Variants in PFKM observed in about 807,000 individuals in gnomAD.
The protein encoded by PFKM is phosphofructokinase, muscle.
In PFKM, 58 loss-of-function variants were observed where a neutral mutation model predicts 95.5. The ratio of observed to expected loss-of-function variants is 0.61; its 90% CI spans 0.49 to 0.76. The LOEUF is 0.76. PFKM is among the 30% of genes least tolerant of loss of function. The pLI, the probability that PFKM is intolerant of heterozygous loss-of-function variation, is 0.00. For missense variants in PFKM, 678 were observed against 1,005.4 expected (o/e 0.67, Z 4.40); for synonymous variants, 336 against 357.2 (o/e 0.94, Z 0.67).
chr12:48,137,456 C>G (rs745976478), intron 10 of PFKM: 11 of 532,436 alleles, frequency 2.1e-5, no homozygotes, highest in Admixed American at 6.3e-5. Flanking sequence ...TATTAAGCCC[C>G]AGTAATCCTG....
chr12:48,118,073 T>C (rs1157701120), upstream of PFKM, among the ~76,000 whole-genome samples: 2 of 152,358 alleles, frequency 1.3e-5, no homozygotes, highest in South Asian at 2.1e-4. Context: ...TTTCAGAGAA[T>C]AGATTGTAAA....
chr12:48,115,419 G>A (rs1431593165), upstream of PFKM, among the ~76,000 whole-genome samples: 4 of 152,182 alleles, frequency 2.6e-5, no homozygotes, highest in Admixed American at 2.6e-4. Flanking sequence ...TAAGAGCAAT[G>A]TTTTGAGGGA....
chr12:48,142,443 A>T (rs1950655029), intron 17 of PFKM: 1 of 433,752 alleles, frequency 2.3e-6, no homozygotes, highest in Non-Finnish European at 4.3e-6. Context: ...ACTTTACTCC[A>T]GCCTGGGTGA....
chr12:48,131,194 A>G, intron 3 of PFKM, 122 bp from the exon 4 acceptor site: 1 of 754,398 alleles, frequency 1.3e-6, no homozygotes, highest in Non-Finnish European at 2.4e-6. Flanking sequence ...ACGAGCATCC[A>G]GGACTCACTA....
intron 4 of PFKM, among the ~76,000 whole-genome samples, chr12:48,132,645 T>G (rs979908513): frequency 5.3e-5 from 8 of 152,228 alleles, no homozygotes; most frequent in African/African-American, 1.7e-4. Context: ...AAAGGAGTTC[T>G]TAGCAGTCTT....
Position 48,134,730 on chromosome 12 carries a change from C to T in PFKM, c.648C>T (p.Ala216=). The T allele has an allele frequency of 1.2e-6, 2 of 1,612,270 alleles. No homozygotes were observed. Among genetic ancestry groups the T allele is most frequent in the Non-Finnish European group, 1.7e-6 (2 of 1,178,298 alleles). ...CTGACTCTCATCTCAGATACCTGGC[C>T]CTTGTCACCTCTCTGTCCTGTGGGG... ...EVMGRHCGYL[A]LVTSLSCGAD... is the part of the protein sequence containing the mutation. Residue 216 remains alanine (A), a synonymous_variant, in exon 8 of 23, where the codon GCC becomes GCT. Transcript: ENST00000359794.
At chr12:48,127,302 C>T (rs1592691710) in intron 2 of PFKM, among the ~76,000 whole-genome samples, 1 of 152,160 alleles carries the variant, frequency 6.6e-6, no homozygotes, top group East Asian at 1.9e-4. Context: ...TTGCCCCTTT[C>T]CCTTATAATT....
At chr12:48,135,945 A>G (rs1032160495) in intron 10 of PFKM, among the ~76,000 whole-genome samples, 1 of 151,556 alleles carries the variant, frequency 6.6e-6, no homozygotes, top group Non-Finnish European at 1.5e-5. Flanking sequence ...CTGGAGTGCA[A>G]TGGTGCGACC....
chr12:48,105,781 GGAGA>G (rs369237878), upstream of PFKM: 11 of 578,156 alleles, frequency 1.9e-5, no homozygotes, highest in Admixed American at 1.5e-4. Context: ...CCGCGGCCCA[GGAGA>G]GAGAGACCAG....
rs566495311 is a variant in PFKM at position 48,106,518 on chromosome 12, T to C, written c.-10+381T>C. ...ATCGATCTCAGGCTATCTCGTGTTT[T>C]ATTGAGAATCACAGAACGTTAGTGC... On this transcript the variant is annotated intron_variant, in intron 1 of 24. Transcript: ENST00000340802. 2.5e-4 allele frequency: 62 copies of C among 246,658 alleles called. No homozygotes were observed. In the Admixed American group the frequency reaches 3.2e-3, roughly 13 times the overall value. 15.3% of individuals were successfully genotyped at this position (246,658 alleles called of 1,614,324 possible).
At chr12:48,105,962 G>C (rs763348975) in exon 1 of PFKM, 7 of 697,090 alleles carry the variant, frequency 1.0e-5, no homozygotes, top group Non-Finnish European at 1.8e-5. Flanking sequence ...GACCGGGTCC[G>C]ACACAGTCTC....
Position 48,145,014 on chromosome 12 carries a change from T to C in PFKM, c.1993-17T>C. The C allele has an allele frequency of 6.4e-7, 1 of 1,567,014 alleles. No individual in the cohort carries two copies. The highest frequency in any genetic ancestry group is 1.1e-5 in the South Asian group (1 of 90,108). On this transcript the variant is annotated splice_polypyrimidine_tract_variant and intron_variant, in intron 20 of 22. Coordinates refer to ENST00000359794, the MANE Select transcript of PFKM (RefSeq NM_000289.6). This position sits in a 1 kb window ranked among gnomAD's most constrained non-coding sequence, Gnocchi z 4.3. ...TTAGAGTCCTTCCCTCTGTAATTTT[T>C]ATGTTTCTTTCTCCAGGGTGGGAGC...
rs1158052155 is a variant in PFKM at position 48,120,203 on chromosome 12, A to G, written c.-9+797A>G. 3.9e-5 allele frequency among the ~76,000 whole-genome samples: 6 copies of G among 152,170 alleles called. No homozygotes were observed. The South Asian group carries it at 1.0e-3, about 26-fold the overall frequency. ...ATTCCAGTTAAATAAGAGCGTCTCT[A>G]GTCACGCGTGTCTCTATGTTCCTTT... On this transcript the variant is annotated intron_variant, in intron 1 of 22. Coordinates refer to ENST00000359794, the MANE Select transcript of PFKM (RefSeq NM_000289.6).
At chr12:48,111,633 G>C (rs776501610) in intron 3 of PFKM, among the ~76,000 whole-genome samples, 2 of 152,224 alleles carry the variant, frequency 1.3e-5, no homozygotes, top group Non-Finnish European at 2.9e-5. Flanking sequence ...GCCTTTGCTG[G>C]TGAGTGGCGA....
intron 2 of PFKM, chr12:48,125,634 A>C (rs1157152050): frequency 5.9e-6 from 1 of 168,770 alleles, no homozygotes; most frequent in Non-Finnish European, 1.3e-5. Flanking sequence ...AAAAAAAAAA[A>C]AAAAAAGATG....
chr12:48,108,644 T>C (rs1946916458), intron 3 of PFKM, among the ~76,000 whole-genome samples: 1 of 152,242 alleles, frequency 6.6e-6, no homozygotes, highest in South Asian at 2.1e-4. Flanking sequence ...AACCATTTAA[T>C]AATAGATTTC....
At chr12:48,132,805 A>G in intron 4 of PFKM, 63 bp from the exon 5 acceptor site, 1 of 1,379,370 alleles carries the variant, frequency 7.2e-7, no homozygotes, top group Non-Finnish European at 1.0e-6. Context: ...CAGCATTGGA[A>G]TAGGGGATAT....
At position 48,142,125 on chromosome 12, in the gene PFKM, G is replaced by C; in HGVS notation, c.1653+59G>C. The C allele has an allele frequency of 2.7e-6, 4 of 1,503,542 alleles. 1 individual carries two copies. The South Asian group carries it at 4.5e-5, about 17-fold the overall frequency. 93.1% of individuals were successfully genotyped at this position (1,503,542 alleles called of 1,614,324 possible). On this transcript the variant is annotated intron_variant, in intron 17 of 22. Transcript: ENST00000359794. ...GCCAGGATTATAATCCTTAAACTGAGTGTGGTCCCAAACAGTGAGCTACTC... is the reference window on the plus strand; with the variant it reads ...GCCAGGATTATAATCCTTAAACTGACTGTGGTCCCAAACAGTGAGCTACTC...
chr12:48,134,212 CAT>C lies in PFKM; in HGVS notation c.594-17_594-16del, dbSNP rs775679901. Reference sequence around the variant, plus strand: ...GGCCATAGGGTCACTTGGACTGTGTCATATGTCTATCTCTTGCAGCCACCAGA... The same window carrying C: ...GGCCATAGGGTCACTTGGACTGTGTCATGTCTATCTCTTGCAGCCACCAGA... On this transcript the variant is annotated intron_variant, in intron 6 of 22. Transcript: ENST00000359794. The C allele has an allele frequency of 5.6e-6, 9 of 1,611,378 alleles. No individual in the cohort carries two copies. In the South Asian group the frequency reaches 9.9e-5, roughly 18 times the overall value.
Sources: allele counts gnomAD v4.1 joint callset (sites outside exome capture counted in the v4.1 genomes callset), GRCh38; gene constraint gnomAD v4.1.1; non-coding constraint Gnocchi (gnomAD v3.1); transcripts MANE v1.5; gene names NCBI Gene and HGNC (gene_info 2026-07-23, HGNC 2026-07-21).